The following CNTN5 variants were observed in gnomAD, a reference collection of about 807,000 sequenced individuals.
CNTN5 encodes the protein contactin-5.
A neutral mutation model predicts 129.1 loss-of-function variants in CNTN5; 77 were observed. The ratio of observed to expected loss-of-function variants is 0.60; its 90% confidence interval spans 0.50 to 0.72. CNTN5 has a LOEUF of 0.72. CNTN5 is among the 30% of genes least tolerant of loss of function. The pLI, the probability that CNTN5 is intolerant of heterozygous loss-of-function variation, is 0.00. For synonymous variants in CNTN5, 509 were observed against 465.6 expected, an observed-to-expected ratio of 1.09 and a Z score of -1.20; for missense variants, 1,478 against 1,328.8, an observed-to-expected ratio of 1.11 and a Z score of -1.75.
At chr11:99,175,363 G>T (rs868490948) in intron 1 of CNTN5, among the ~76,000 whole-genome samples, 1 of 152,198 alleles carries the variant, frequency 6.6e-6, no homozygotes, top group South Asian at 2.1e-4. Flanking sequence ...GAGAAGAAAA[G>T]AGGAAGACAG....
intron 2 of CNTN5, among the ~76,000 whole-genome samples, chr11:99,549,837 G>C (rs1565285048): frequency 6.6e-6 from 1 of 152,074 alleles, no homozygotes; most frequent in Non-Finnish European, 1.5e-5. Flanking sequence ...TCAGATTCTA[G>C]AGTAGTTATC....
chr11:99,362,220 TC>T (rs1939159618), intron 2 of CNTN5, among the ~76,000 whole-genome samples: 1 of 152,108 alleles, frequency 6.6e-6, no homozygotes, highest in African/African-American at 2.4e-5. Context: ...TGATTTGCTG[TC>T]CCTTAGTGAC....
At chr11:100,168,347 G>T (rs1218862233) in intron 13 of CNTN5, among the ~76,000 whole-genome samples, 1 of 151,950 alleles carries the variant, frequency 6.6e-6, no homozygotes, top group Non-Finnish European at 1.5e-5. Flanking sequence ...AGAAGTGAAT[G>T]CCTGGCTTCA....
intron 8 of CNTN5, among the ~76,000 whole-genome samples, chr11:99,981,394 C>A (rs1264322113): frequency 6.6e-6 from 1 of 152,048 alleles, no homozygotes; most frequent in Non-Finnish European, 1.5e-5. Flanking sequence ...AGAAGTGTAT[C>A]TCATTTCCAG....
intron 3 of CNTN5, among the ~76,000 whole-genome samples, chr11:99,637,731 T>C (rs1012901498): frequency 1.1e-4 from 17 of 150,420 alleles, no homozygotes; most frequent in African/African-American, 4.2e-4. Context: ...TAAAATTAAC[T>C]ATTATATCAG....
At chr11:100,088,898 C>G (rs893369258) in intron 13 of CNTN5, among the ~76,000 whole-genome samples, 2 of 151,990 alleles carry the variant, frequency 1.3e-5, no homozygotes, top group African/African-American at 4.8e-5. Flanking sequence ...AAGCCAGCAT[C>G]ACTCCAATAT....
At chr11:99,130,470 C>T (rs11218502) in intron 1 of CNTN5, among the ~76,000 whole-genome samples, 137,488 of 152,174 alleles carry the variant, frequency 0.9, 62,301 homozygotes, top group East Asian at 0.99. Context: ...TAAAACAAAT[C>T]CTTGAAGACC....
Position 99,785,604 on chromosome 11 carries a change from C to G in CNTN5, c.56-33940C>G, listed in dbSNP as rs558147563. On this transcript the variant is annotated intron_variant, in intron 3 of 24. Coordinates refer to ENST00000524871, the MANE Select transcript of CNTN5 (RefSeq NM_014361.4). The stretch of plus-strand genomic sequence containing the variant: ...GACGCAAATATCCTCAATAAAATCA[C>G]TAGCAAACTGAATCTAGCAGCACAT... Among the ~76,000 whole-genome samples, 15 of 152,258 alleles carry G rather than the reference C, an allele frequency of 9.9e-5. No homozygotes were observed. The South Asian group carries it at 3.1e-3, about 32-fold the overall frequency.
At chr11:99,766,215 T>A (rs1944749434) in intron 3 of CNTN5, among the ~76,000 whole-genome samples, 1 of 152,132 alleles carries the variant, frequency 6.6e-6, no homozygotes, top group South Asian at 2.1e-4. Context: ...AAGGTATTTC[T>A]GGAAGTTGCC....
At chr11:99,151,328 G>A (rs1331826670) in intron 1 of CNTN5, among the ~76,000 whole-genome samples, 1 of 152,104 alleles carries the variant, frequency 6.6e-6, no homozygotes, top group Non-Finnish European at 1.5e-5. Context: ...GAGAGAAAAT[G>A]AGAAAGAGTT....
intron 13 of CNTN5, among the ~76,000 whole-genome samples, chr11:100,132,988 T>C (rs1946420982): frequency 6.6e-6 from 1 of 152,110 alleles, no homozygotes; most frequent in African/African-American, 2.4e-5. Flanking sequence ...TTATGTATTA[T>C]AAATTATTCA....
At chr11:99,571,375 A>G (rs960166104) in intron 3 of CNTN5, among the ~76,000 whole-genome samples, 1 of 152,300 alleles carries the variant, frequency 6.6e-6, no homozygotes, top group African/African-American at 2.4e-5. Flanking sequence ...TATTGCTGTC[A>G]TGCTAACAAT....
At chr11:99,100,018 G>A (rs757976644) in intron 1 of CNTN5, among the ~76,000 whole-genome samples, 6 of 151,916 alleles carry the variant, frequency 3.9e-5, no homozygotes, top group Non-Finnish European at 8.8e-5. Flanking sequence ...ACATTAAATC[G>A]TAATTTAAAA....
intron 3 of CNTN5, among the ~76,000 whole-genome samples, chr11:99,778,844 A>G (rs1036389728): frequency 7.1e-6 from 1 of 140,622 alleles, no homozygotes; most frequent in Non-Finnish European, 1.7e-5. Flanking sequence ...TAATATCAAC[A>G]ATTTTTCTCT....
chr11:99,265,862 A>G (rs538806827), intron 1 of CNTN5, among the ~76,000 whole-genome samples: 2 of 152,184 alleles, frequency 1.3e-5, no homozygotes, highest in South Asian at 2.1e-4. Flanking sequence ...ATTATATACT[A>G]TATTAAGCTC....
At chr11:99,947,816 C>T (rs1950585366) in intron 7 of CNTN5, among the ~76,000 whole-genome samples, 1 of 152,108 alleles carries the variant, frequency 6.6e-6, no homozygotes. Flanking sequence ...TTCAAATTTT[C>T]ACCATAAAAT....
At chr11:99,909,688 A>C (rs1591402659) in intron 6 of CNTN5, among the ~76,000 whole-genome samples, 1 of 152,232 alleles carries the variant, frequency 6.6e-6, no homozygotes, top group Non-Finnish European at 1.5e-5. Context: ...GGAAGCCATC[A>C]TTCTCAGCAA....
chr11:99,682,659 A>G (rs1953609068), intron 3 of CNTN5, among the ~76,000 whole-genome samples: 1 of 152,016 alleles, frequency 6.6e-6, no homozygotes, highest in Non-Finnish European at 1.5e-5. Context: ...TTACAATAAA[A>G]AGATTTTAAA....
chr11:99,922,506 A>G (rs1276843363), intron 7 of CNTN5, among the ~76,000 whole-genome samples: 1 of 152,184 alleles, frequency 6.6e-6, no homozygotes, highest in African/African-American at 2.4e-5. Flanking sequence ...TTAGTAAATA[A>G]CCTGATACGT....
Sources: allele counts gnomAD v4.1 joint callset (sites outside exome capture counted in the v4.1 genomes callset), GRCh38; gene constraint gnomAD v4.1.1; transcripts MANE v1.5; gene names NCBI Gene and HGNC (gene_info 2026-07-23, HGNC 2026-07-21).